The following DTNB variants were observed in gnomAD, a reference collection of about 807,000 sequenced individuals.
DTNB encodes the protein dystrobrevin beta, also known as DTN-B.
A neutral mutation model predicts 90.7 loss-of-function variants in DTNB; 63 were observed. The ratio of observed to expected loss-of-function variants is 0.69; its 90% confidence interval spans 0.57 to 0.86. DTNB has a LOEUF of 0.86. DTNB is among the 40% of genes least tolerant of loss of function. DTNB has a pLI of 0.00. For missense variants in DTNB, 744 were observed against 807.1 expected, an observed-to-expected ratio of 0.92 and a Z score of 0.95; for synonymous variants, 277 against 286.7, an observed-to-expected ratio of 0.97 and a Z score of 0.34.
At position 25,482,795 on chromosome 2, in the gene DTNB, C is replaced by G. The variant is rs1413264990; in HGVS notation, c.1079+1G>C. On this transcript the variant is annotated splice_donor_variant, in intron 10 of 20. Transcript: ENST00000406818. LOFTEE classifies it high-confidence loss of function. Reference sequence around the variant, plus strand: ...AAGTCGAAGGCACAAGACATACGTACCTCTTGGTGGGAGTGGGCACTCCAG... The same window carrying G: ...AAGTCGAAGGCACAAGACATACGTAGCTCTTGGTGGGAGTGGGCACTCCAG... 1.9e-6 allele frequency: 3 copies of G among 1,613,650 alleles called. No homozygotes were observed. Among genetic ancestry groups the G allele is most frequent in the Middle Eastern group, 1.7e-4 (1 of 6,056 alleles).
At chr2:25,596,841 G>A (rs1215709780) in intron 5 of DTNB, among the ~76,000 whole-genome samples, 2 of 152,180 alleles carry the variant, frequency 1.3e-5, no homozygotes, top group African/African-American at 4.8e-5. Context: ...CTTTGATACT[G>A]TAAGACCCTA....
At chr2:25,377,591 T>C (rs1289091685) in intron 20 of DTNB, 38 bp from the exon 21 acceptor site, 1 of 152,468 alleles carries the variant, frequency 6.6e-6, no homozygotes, top group Non-Finnish European at 1.5e-5. Flanking sequence ...ACGGGCACTG[T>C]TGAGGGTTCA....
chr2:25,518,920 G>A (rs878883586), intron 9 of DTNB, among the ~76,000 whole-genome samples: 3 of 152,170 alleles, frequency 2.0e-5, no homozygotes, highest in Admixed American at 2.0e-4. Flanking sequence ...CAGATGAGCT[G>A]TGACCTAATG....
chr2:25,542,939 T>C (rs2081597934), intron 8 of DTNB, among the ~76,000 whole-genome samples: 1 of 152,200 alleles, frequency 6.6e-6, no homozygotes, highest in African/African-American at 2.4e-5. Context: ...CAATCATTCA[T>C]TGCTGGATAT....
intron 9 of DTNB, among the ~76,000 whole-genome samples, chr2:25,493,472 T>C (rs939901011): frequency 1.3e-5 from 2 of 152,164 alleles, no homozygotes; most frequent in African/African-American, 4.8e-5. Context: ...TTCTTTTCTC[T>C]ATCAAACCAC....
intron 6 of DTNB, among the ~76,000 whole-genome samples, chr2:25,586,387 G>A (rs1051041257): frequency 6.6e-6 from 1 of 151,534 alleles, no homozygotes; most frequent in Non-Finnish European, 1.5e-5. Context: ...GTGGGCACCT[G>A]TAATCCCAGC....
intron 12 of DTNB, among the ~76,000 whole-genome samples, chr2:25,444,166 T>C (rs1224475802): frequency 6.6e-6 from 1 of 152,210 alleles, no homozygotes; most frequent in African/African-American, 2.4e-5. Flanking sequence ...TTGGTGACGT[T>C]TGTGATGACA....
chr2:25,486,636 A>G (rs1316116574), intron 9 of DTNB, among the ~76,000 whole-genome samples: 1 of 151,410 alleles, frequency 6.6e-6, no homozygotes, highest in African/African-American at 2.4e-5. Flanking sequence ...CTGTCTCAAA[A>G]AAAAAAAAAA....
chr2:25,420,484 A>C (rs2049224122), intron 15 of DTNB, among the ~76,000 whole-genome samples: 1 of 71,542 alleles, frequency 1.4e-5, no homozygotes, highest in African/African-American at 3.6e-5. Flanking sequence ...CTATCTATCT[A>C]TCTATCTATC....
chr2:25,540,961 C>T (rs2081109804), intron 8 of DTNB, among the ~76,000 whole-genome samples: 1 of 151,646 alleles, frequency 6.6e-6, no homozygotes, highest in East Asian at 1.9e-4. Context: ...CACTTGTCTG[C>T]TGACCTTCCC....
At chr2:25,471,403 T>TC (rs1447350392) in intron 10 of DTNB, among the ~76,000 whole-genome samples, 2 of 137,686 alleles carry the variant, frequency 1.5e-5, no homozygotes, top group Non-Finnish European at 3.1e-5. Flanking sequence ...TTTTTTTTTT[T>TC]CCCGAGACGG....
At chr2:25,633,989 A>T (rs1257546204) in intron 3 of DTNB, among the ~76,000 whole-genome samples, 4 of 140,682 alleles carry the variant, frequency 2.8e-5, no homozygotes, top group Non-Finnish European at 6.2e-5. Context: ...CCGCCCCGTC[A>T]GAGAAGTGAG....
At chr2:25,527,826 T>G (rs557668239) in intron 9 of DTNB, among the ~76,000 whole-genome samples, 2 of 152,278 alleles carry the variant, frequency 1.3e-5, no homozygotes, top group Admixed American at 1.3e-4. Flanking sequence ...ATAAAAAATT[T>G]ACAAAGAAAA....
At chr2:25,561,617 C>T (rs936479593) in intron 8 of DTNB, among the ~76,000 whole-genome samples, 94 of 152,176 alleles carry the variant, frequency 6.2e-4, no homozygotes, top group African/African-American at 2.1e-3. Flanking sequence ...TGGTTTAGTG[C>T]CATTCCCTTG....
chr2:25,401,870 A>G (rs897958738), intron 16 of DTNB, among the ~76,000 whole-genome samples: 3 of 152,246 alleles, frequency 2.0e-5, no homozygotes, highest in African/African-American at 7.2e-5. Context: ...CCTGCCAGGT[A>G]GCAGATGGCC....
chr2:25,404,583 G>A lies in DTNB; in HGVS notation c.1575+14932C>T, dbSNP rs550584556. Among the ~76,000 whole-genome samples the A allele has an allele frequency of 2.6e-5, 4 of 152,212 alleles. No homozygotes were observed. In the East Asian group the frequency reaches 5.8e-4, roughly 22 times the overall value. Reference sequence around the variant, plus strand: ...TAGGCCACAGATAAGGGCTGGGCACGGTGGGTCACACCTGTAATCCTAACA... The same window carrying A: ...TAGGCCACAGATAAGGGCTGGGCACAGTGGGTCACACCTGTAATCCTAACA... On this transcript the variant is annotated intron_variant, in intron 16 of 20. Coordinates refer to ENST00000406818, the MANE Select transcript of DTNB (RefSeq NM_021907.5).
chr2:25,440,926 T>TC (rs2057230066), intron 12 of DTNB, among the ~76,000 whole-genome samples: 1 of 152,154 alleles, frequency 6.6e-6, no homozygotes, highest in Non-Finnish European at 1.5e-5. Context: ...GTAACAGGAC[T>TC]CCTACTGGGT....
chr2:25,457,611 T>C (rs543168781), intron 10 of DTNB, among the ~76,000 whole-genome samples: 1 of 152,288 alleles, frequency 6.6e-6, no homozygotes, highest in East Asian at 1.9e-4. Flanking sequence ...CTGGCAGCGC[T>C]TGCAGATACA....
intron 8 of DTNB, among the ~76,000 whole-genome samples, chr2:25,565,671 G>A (rs1186293679): frequency 6.6e-6 from 1 of 151,562 alleles, no homozygotes; most frequent in South Asian, 2.1e-4. Flanking sequence ...CATATTTATT[G>A]AGATGATCTT....
Sources: allele counts gnomAD v4.1 joint callset (sites outside exome capture counted in the v4.1 genomes callset), GRCh38; gene constraint gnomAD v4.1.1; transcripts MANE v1.5; gene names NCBI Gene and HGNC (gene_info 2026-07-23, HGNC 2026-07-21).